The following HDHD5 variants were observed in gnomAD, a reference collection of about 807,000 sequenced individuals.
The protein encoded by HDHD5 is haloacid dehalogenase like hydrolase domain containing 5.
HDHD5 carries 34 observed loss-of-function variants against 35.5 expected under a neutral mutation model. The ratio of observed to expected loss-of-function variants is 0.96; its 90% CI spans 0.73 to 1.28. The LOEUF (loss-of-function observed/expected upper bound fraction) is 1.28. Ranked by LOEUF, HDHD5 falls within the 50% of genes most tolerant of loss-of-function variation. The pLI, the probability that HDHD5 is intolerant of heterozygous loss-of-function variation, is 0.00. For missense variants in HDHD5, 589 were observed against 560.2 expected (o/e 1.05, Z -0.52); for synonymous variants, 248 against 240.6 (o/e 1.03, Z -0.29).
upstream of HDHD5, chr22:17,159,427 T>C (rs1244279586): frequency 2.9e-6 from 2 of 679,440 alleles, no homozygotes; most frequent in Non-Finnish European, 4.7e-6. Flanking sequence ...GGGGCTCCGT[T>C]GCAAGGAAGA....
chr22:17,164,417 GAAAT>G (rs1459812995), intron 1 of HDHD5, among the ~76,000 whole-genome samples: 2 of 152,316 alleles, frequency 1.3e-5, no homozygotes, highest in East Asian at 3.9e-4. Context: ...AGATAAGAAA[GAAAT>G]GTGTTTCTCT....
chr22:17,163,590 T>C (rs1410187694), upstream of HDHD5, among the ~76,000 whole-genome samples: 1 of 152,160 alleles, frequency 6.6e-6, no homozygotes, highest in Non-Finnish European at 1.5e-5. Flanking sequence ...TGACCACAGT[T>C]CTGTTCAACT....
At chr22:17,141,370 A>G in intron 5 of HDHD5, 137 bp from the exon 6 acceptor site, 1 of 1,417,174 alleles carries the variant, frequency 7.1e-7, no homozygotes, top group Middle Eastern at 1.8e-4. Flanking sequence ...CAGCTCCCCA[A>G]CAAGCCCAGT....
chr22:17,159,065 TC>T, intron 1 of HDHD5, 60 bp downstream of exon 1: 1 of 1,194,726 alleles, frequency 8.4e-7, no homozygotes, highest in Non-Finnish European at 1.0e-6. Flanking sequence ...TCCCCGCGGC[TC>T]CCCGCCCCGC....
At chr22:17,157,562 G>A (rs540710373) in intron 1 of HDHD5, among the ~76,000 whole-genome samples, 2 of 152,314 alleles carry the variant, frequency 1.3e-5, no homozygotes, top group South Asian at 4.1e-4. Context: ...TCTACCGGAA[G>A]AGTCACTTGG....
At chr22:17,157,287 G>A (rs529803640) in intron 1 of HDHD5, among the ~76,000 whole-genome samples, 5 of 69,344 alleles carry the variant, frequency 7.2e-5, no homozygotes, top group Admixed American at 7.0e-4. Flanking sequence ...TTTTTTTTTT[G>A]ATAAGAGTCA....
chr22:17,144,778 T>C (rs900764877), intron 4 of HDHD5, among the ~76,000 whole-genome samples: 6 of 152,114 alleles, frequency 3.9e-5, no homozygotes, highest in African/African-American at 1.2e-4. Context: ...CTTGAACTCC[T>C]GGGCTCAAAC....
rs1244480086 is a variant in HDHD5 at position 17,138,334 on chromosome 22, T to A, written c.959A>T (p.Tyr320Phe). ...AVGDNPMSDVYGANLFHQYLQ... is the reference protein window; with the variant it reads ...AVGDNPMSDVFGANLFHQYLQ... ...GTACTGGTGGAACAGGTTGGCGCCG[T>A]ATACGTCAGACATAGGGTTATCACT... The change falls in exon 8 of 8, where the codon TAC becomes TTC. Residue 320 changes from tyrosine to phenylalanine, a missense_variant. By Grantham distance (22) the Tyr-to-Phe change is conservative (BLOSUM62 3). Transcript: ENST00000336737. 1 of 1,613,608 alleles carries A rather than the reference T, an allele frequency of 6.2e-7. No homozygotes were observed. The highest frequency in any genetic ancestry group is 2.2e-5 in the East Asian group (1 of 44,872).
chr22:17,159,201 G>T lies in HDHD5; in HGVS notation c.51C>A (p.Cys17Ter). The T allele has an allele frequency of 6.8e-6, 8 of 1,182,216 alleles. No homozygotes were observed. Among genetic ancestry groups the T allele is most frequent in the Non-Finnish European group, 8.3e-6 (8 of 959,086 alleles). The allele number at this position is 1,182,216 out of a possible 1,614,324, so 73.2% of individuals were successfully genotyped here. A position where few individuals can be genotyped will look rare whatever the true frequency, so the allele number is the denominator to read the frequency against. Residue 17 changes from cysteine (C) to a stop codon, truncating the protein, a stop_gained, in exon 1 of 8, where the codon TGC becomes TGA. Transcript: ENST00000336737. LOFTEE classifies it high-confidence loss of function. ...CCGCAGCCGCGCGCGCCGCCCGCCA[G>T]CAAAGCCCACGCGCCGCGCCGAGCG... ...VAALGAARGL[C>*]WRAARAAAGL...
rs549019615 is a variant in HDHD5, at chr22:17,143,087, A to G, written c.571+11T>C. 102 of 1,608,586 alleles carry G rather than the reference A, an allele frequency of 6.3e-5. 1 individual carries two copies. In the South Asian group the frequency reaches 1.0e-3, roughly 17 times the overall value. Reference sequence around the variant, plus strand: ...AAGACCTCACAACTCATCAAAGAGGACCTCTCTTACCTTCAATGCGGGGGA... The same window carrying G: ...AAGACCTCACAACTCATCAAAGAGGGCCTCTCTTACCTTCAATGCGGGGGA... On this transcript the variant is annotated intron_variant, in intron 5 of 7. Transcript: ENST00000336737.
chr22:17,157,037 C>T (rs1185199690), intron 1 of HDHD5, among the ~76,000 whole-genome samples: 4 of 149,964 alleles, frequency 2.7e-5, no homozygotes, highest in Non-Finnish European at 5.9e-5. Context: ...GAGATGGCGC[C>T]ACTGCACTCC....
At chr22:17,157,311 G>A (rs1205213118) in intron 1 of HDHD5, among the ~76,000 whole-genome samples, 2 of 143,148 alleles carry the variant, frequency 1.4e-5, no homozygotes, top group African/African-American at 5.3e-5. Context: ...TCTGTTGCCC[G>A]GGCTGGAGTG....
chr22:17,149,518 C>T (rs1383621571), intron 2 of HDHD5, 24 bp downstream of exon 2: 1 of 1,607,954 alleles, frequency 6.2e-7, no homozygotes, highest in Non-Finnish European at 8.5e-7. Flanking sequence ...CCTTGGGCTT[C>T]CATGCCTCTG....
rs1222926298 is a variant in HDHD5 at position 17,137,990 on chromosome 22, G to A, written c.*31C>T. ...CCAATGGGACTCGCCCACAGGTCCA[G>A]GCTCACCCCCTCACCTCCACCGCAC... On this transcript the variant is annotated 3_prime_UTR_variant, in exon 8 of 8. Coordinates refer to ENST00000336737, the MANE Select transcript of HDHD5 (RefSeq NM_033070.3). The A allele has an allele frequency of 6.4e-7, 1 of 1,571,992 alleles. No individual in the cohort carries two copies. The highest frequency in any genetic ancestry group is 8.7e-7 in the Non-Finnish European group (1 of 1,151,360).
At chr22:17,143,204 A>C in intron 4 of HDHD5, 73 bp from the exon 5 acceptor site, 1 of 1,543,846 alleles carries the variant, frequency 6.5e-7, no homozygotes, top group Non-Finnish European at 8.8e-7. Context: ...CCCCACCTCC[A>C]GGGTGCTGGG....
intron 4 of HDHD5, chr22:17,143,619 A>C (rs183409751): frequency 6.4e-6 from 1 of 155,598 alleles, no homozygotes; most frequent in African/African-American, 2.4e-5. Flanking sequence ...GGGACAGGTC[A>C]CTCCCCTGTG....
upstream of HDHD5, chr22:17,159,476 T>A (rs760357993): frequency 3.9e-6 from 2 of 512,538 alleles, no homozygotes; most frequent in South Asian, 3.1e-5. Flanking sequence ...GAGATCGCGG[T>A]GAGCTGGCCG....
chr22:17,161,885 AG>A (rs2061865833), upstream of HDHD5, among the ~76,000 whole-genome samples: 2 of 150,742 alleles, frequency 1.3e-5, no homozygotes, highest in Non-Finnish European at 3.0e-5. Flanking sequence ...AAAAAAAAAA[AG>A]AAAAAAAAAA....
intron 2 of HDHD5, 101 bp downstream of exon 2, chr22:17,149,441 G>T: frequency 9.0e-7 from 1 of 1,114,518 alleles, no homozygotes; most frequent in South Asian, 1.4e-5. Context: ...AGGACTAGGT[G>T]ATTCCATATC....
Sources: gnomAD v4.1 joint callset for allele counts (sites outside exome capture counted in the v4.1 genomes callset) on GRCh38, gnomAD v4.1.1 for gene constraint, MANE v1.5 for transcripts, NCBI Gene and HGNC (gene_info 2026-07-23, HGNC 2026-07-21) for gene names.